The following RCOR1 variants were observed in gnomAD, a reference collection of about 807,000 sequenced individuals.
The protein encoded by RCOR1 is REST corepressor 1.
In RCOR1, 12 loss-of-function variants were observed where a neutral mutation model predicts 64.0. The observed-to-expected ratio is 0.19, with a 90% CI of 0.12 to 0.30. RCOR1 has a LOEUF of 0.30. Ranked by LOEUF, RCOR1 falls within the 10% of genes least tolerant of loss-of-function variation. The pLI, the probability that RCOR1 is intolerant of heterozygous loss-of-function variation, is 1.00. For missense variants in RCOR1, 502 were observed against 621.2 expected, an observed-to-expected ratio of 0.81 and a Z score of 2.04; for synonymous variants, 279 against 227.2, an observed-to-expected ratio of 1.23 and a Z score of -2.05.
chr14:102,597,387 G>A (rs184476464), intron 2 of RCOR1, among the ~76,000 whole-genome samples: 15 of 151,622 alleles, frequency 9.9e-5, no homozygotes, highest in Admixed American at 8.6e-4. Context: ...GGAGTGCAGT[G>A]GCATGATCTC....
At chr14:102,722,467 C>G (rs1488767326) in intron 11 of RCOR1, 51 bp downstream of exon 11, 1 of 1,436,526 alleles carries the variant, frequency 7.0e-7, no homozygotes, top group Non-Finnish European at 9.7e-7. Context: ...ACGCTTGATA[C>G]TCCAGTTTCT....
intron 2 of RCOR1, among the ~76,000 whole-genome samples, chr14:102,668,453 T>C (rs971678586): frequency 3.3e-5 from 5 of 152,200 alleles, no homozygotes; most frequent in African/African-American, 1.2e-4. Context: ...AACAATCTAG[T>C]TGGGTATTTA....
intron 3 of RCOR1, among the ~76,000 whole-genome samples, chr14:102,684,861 G>A (rs1343234965): frequency 1.3e-5 from 2 of 152,126 alleles, no homozygotes; most frequent in Non-Finnish European, 2.9e-5. Flanking sequence ...ATAACTAGGT[G>A]TAATACTTTA....
At chr14:102,594,558 G>T (rs1272624731) in intron 2 of RCOR1, among the ~76,000 whole-genome samples, 1 of 152,008 alleles carries the variant, frequency 6.6e-6, no homozygotes, top group Non-Finnish European at 1.5e-5. Context: ...TCTAAATTTT[G>T]ATTTGTTGAC....
At chr14:102,701,383 A>G (rs993211270) in intron 4 of RCOR1, 53 bp downstream of exon 4, 3 of 1,339,436 alleles carry the variant, frequency 2.2e-6, no homozygotes, top group Non-Finnish European at 3.0e-6. Context: ...ATTTGTAACT[A>G]AATAATTATA....
At chr14:102,648,377 C>A (rs958966645) in intron 2 of RCOR1, among the ~76,000 whole-genome samples, 3 of 152,194 alleles carry the variant, frequency 2.0e-5, no homozygotes, top group African/African-American at 7.2e-5. Flanking sequence ...TTGCACCTAG[C>A]CCTCTATAAT....
chr14:102,620,668 C>G (rs1342333256), intron 2 of RCOR1, among the ~76,000 whole-genome samples: 1 of 152,142 alleles, frequency 6.6e-6, no homozygotes, highest in East Asian at 1.9e-4. Context: ...GCTCAGTGAG[C>G]TCTGATTGTG....
Position 102,711,027 on chromosome 14 carries a change from CT to C in RCOR1, c.858+15del. On this transcript the variant is annotated intron_variant, in intron 7 of 11. Coordinates refer to ENST00000262241, the MANE Select transcript of RCOR1 (RefSeq NM_015156.4). ...AGCAAAAAGGAGGTATTTTTTCCCC[CT>C]AGTATTGTTTAGGCGAATAAATTTT... 2 of 1,550,720 alleles carry C rather than the reference CT, an allele frequency of 1.3e-6. No individual in the cohort carries two copies. The highest frequency in any genetic ancestry group is 1.8e-6 in the Non-Finnish European group (2 of 1,137,458).
intron 6 of RCOR1, among the ~76,000 whole-genome samples, chr14:102,709,201 A>C (rs1265377757): frequency 6.6e-6 from 1 of 152,178 alleles, no homozygotes; most frequent in Non-Finnish European, 1.5e-5. Context: ...CTACACTGGG[A>C]TGTTTAAGGT....
chr14:102,593,324 C>A lies in RCOR1; in HGVS notation c.360C>A (p.Pro120=). The change falls in exon 2 of 12, where the codon CCC becomes CCA. Residue 120 remains proline (P), a splice_region_variant and synonymous_variant. Coordinates refer to ENST00000262241, the MANE Select transcript of RCOR1 (RefSeq NM_015156.4). The stretch of plus-strand genomic sequence containing the variant: ...AGGCGGTGGTGCCCGACTTCGACCC[C>A]GGTGAGTAGCGGCCCCGGCCGGCCG... ...QYQAVVPDFD[P]AKLARRSQER... 2 of 1,542,116 alleles carry A rather than the reference C, an allele frequency of 1.3e-6. No homozygotes were observed. The highest frequency in any genetic ancestry group is 1.7e-6 in the Non-Finnish European group (2 of 1,151,902).
intron 3 of RCOR1, among the ~76,000 whole-genome samples, chr14:102,685,078 G>GTGC (rs1555466185): frequency 6.8e-6 from 1 of 147,942 alleles, no homozygotes; most frequent in Admixed American, 6.8e-5. Flanking sequence ...GTGTGTGTGT[G>GTGC]TTTTTTTTTT....
At position 102,593,270 on chromosome 14, in the gene RCOR1, C is replaced by A. The variant is rs761550969; in HGVS notation, c.306C>A (p.Gly102=). 1.4e-5 allele frequency: 22 copies of A among 1,533,324 alleles called. No individual in the cohort carries two copies. Among genetic ancestry groups the A allele is most frequent in the Non-Finnish European group, 1.9e-5 (22 of 1,145,482 alleles). The allele number at this position is 1,533,324 out of a possible 1,614,324, so 95.0% of individuals were successfully genotyped here. ...CGTATTCTGCTTCCCCCGCAGGTGG[C>A]GGTGGCATGAGGGTCGGACCCCAGT... The part of the protein sequence containing the change: ...SGSSSDEEHG[G]GGMRVGPQYQ... Residue 102 remains glycine (G), a synonymous_variant, in exon 2 of 12, where the codon GGC becomes GGA. Transcript: ENST00000262241.
intron 2 of RCOR1, among the ~76,000 whole-genome samples, chr14:102,615,447 CTTTTTTT>C (rs560136180): frequency 1.5e-5 from 2 of 131,912 alleles, no homozygotes; most frequent in Non-Finnish European, 3.3e-5. Context: ...CTGCATAATT[CTTTTTTT>C]TTTTTTTTTT....
At chr14:102,683,010 C>G (rs1186713872) in intron 3 of RCOR1, among the ~76,000 whole-genome samples, 1 of 152,112 alleles carries the variant, frequency 6.6e-6, no homozygotes, top group Non-Finnish European at 1.5e-5. Flanking sequence ...TTGTATTAGT[C>G]ACTTTTCCTA....
intron 3 of RCOR1, among the ~76,000 whole-genome samples, chr14:102,689,379 A>G (rs550203450): frequency 2.4e-4 from 37 of 152,132 alleles, no homozygotes; most frequent in Non-Finnish European, 4.9e-4. Flanking sequence ...AAGCTCGGGT[A>G]TAGCCTTGTC....
intron 2 of RCOR1, among the ~76,000 whole-genome samples, chr14:102,611,872 C>G (rs1260715668): frequency 5.9e-5 from 9 of 152,212 alleles, no homozygotes; most frequent in African/African-American, 2.2e-4. Context: ...TGCTCTGTCA[C>G]TCAGGCTGGA....
chr14:102,650,654 G>C (rs755905450), intron 2 of RCOR1, among the ~76,000 whole-genome samples: 2 of 152,184 alleles, frequency 1.3e-5, no homozygotes, highest in African/African-American at 2.4e-5. Context: ...ATGGACTCTA[G>C]AGAGTAAGTT....
Position 102,593,024 on chromosome 14 carries a change from C to T in RCOR1, c.138C>T (p.Ala46=), listed in dbSNP as rs1893163371. 7 of 1,253,040 alleles carry T rather than the reference C, an allele frequency of 5.6e-6. No homozygotes were observed. The highest frequency in any genetic ancestry group is 7.1e-6 in the Non-Finnish European group (7 of 992,626). 77.6% of individuals were successfully genotyped at this position (1,253,040 alleles called of 1,614,324 possible). ...AACASPAATA[A]SGAAASSASA... Reference sequence around the variant, plus strand: ...GCGCCTCGCCAGCCGCCACTGCCGCCTCGGGCGCCGCCGCCTCCTCAGCCT... The same window carrying T: ...GCGCCTCGCCAGCCGCCACTGCCGCTTCGGGCGCCGCCGCCTCCTCAGCCT... The change falls in exon 1 of 12, where the codon GCC becomes GCT. Residue 46 remains alanine, a synonymous_variant. Transcript: ENST00000262241.
chr14:102,689,645 T>A (rs1401977070), intron 3 of RCOR1, among the ~76,000 whole-genome samples: 3 of 152,184 alleles, frequency 2.0e-5, no homozygotes, highest in African/African-American at 7.2e-5. Context: ...TTTGGGTTTT[T>A]TATTTTATAA....
Sources: allele counts gnomAD v4.1 joint callset (sites outside exome capture counted in the v4.1 genomes callset), GRCh38; gene constraint gnomAD v4.1.1; transcripts MANE v1.5; gene names NCBI Gene and HGNC (gene_info 2026-07-23, HGNC 2026-07-21).